TIAM1: variants seen among roughly 807,000 people sequenced by gnomAD.
TIAM1 encodes the protein TIAM Rac1 associated GEF 1.
A neutral mutation model predicts 163.5 loss-of-function variants in TIAM1; 65 were observed. That is an observed-to-expected ratio of 0.40 (90% CI 0.33 to 0.49). The LOEUF (loss-of-function observed/expected upper bound fraction) is 0.49, where lower values mean the gene tolerates loss of function less well. TIAM1 is among the 20% of genes least tolerant of loss of function. The probability of loss-of-function intolerance (pLI) is 0.77; values close to 1 mark genes in which losing one functional copy is unlikely to be tolerated. For synonymous variants in TIAM1, 833 were observed against 810.1 expected (o/e 1.03, Z -0.48); for missense variants, 1,789 against 2,044.7 (o/e 0.87, Z 2.41).
At chr21:31,462,852 C>T (rs2045384201) in intron 2 of TIAM1, among the ~76,000 whole-genome samples, 1 of 151,996 alleles carries the variant, frequency 6.6e-6, no homozygotes, top group African/African-American at 2.4e-5. Flanking sequence ...AAGCCATTCT[C>T]CTGCCTCAGC....
chr21:31,403,997 G>A (rs868164115), intron 2 of TIAM1, among the ~76,000 whole-genome samples: 3 of 152,112 alleles, frequency 2.0e-5, no homozygotes, highest in Non-Finnish European at 2.9e-5. Context: ...ACACTTAGCC[G>A]CAACTCACAC....
chr21:31,224,909 G>T (rs2087850277), intron 7 of TIAM1, among the ~76,000 whole-genome samples: 1 of 152,176 alleles, frequency 6.6e-6, no homozygotes, highest in Non-Finnish European at 1.5e-5. Flanking sequence ...AGGCAAAAAT[G>T]TGCTTTGTTC....
At chr21:31,352,541 G>A in intron 2 of TIAM1, among the ~76,000 whole-genome samples, 1 of 129,968 alleles carries the variant, frequency 7.7e-6, no homozygotes, top group African/African-American at 2.9e-5. Context: ...CATATATGTA[G>A]CTTTAAAAAA....
At chr21:31,150,672 G>A (rs2083331774) in intron 19 of TIAM1, among the ~76,000 whole-genome samples, 1 of 152,048 alleles carries the variant, frequency 6.6e-6, no homozygotes, top group South Asian at 2.1e-4. Flanking sequence ...AAAATCTTTA[G>A]GCAAAGATTT....
intron 16 of TIAM1, among the ~76,000 whole-genome samples, chr21:31,163,402 C>A (rs755252316): frequency 1.3e-5 from 2 of 152,002 alleles, no homozygotes; most frequent in Non-Finnish European, 2.9e-5. Flanking sequence ...TTTAAATTTG[C>A]CTTAAAAGGA....
chr21:31,131,371 C>A (rs149654689), intron 23 of TIAM1, among the ~76,000 whole-genome samples: 1 of 152,224 alleles, frequency 6.6e-6, no homozygotes, highest in Admixed American at 6.5e-5. Context: ...GGTAATAGTG[C>A]ACATAGACAG....
intron 19 of TIAM1, 113 bp from the exon 20 acceptor site, chr21:31,147,116 T>A: frequency 2.5e-6 from 2 of 812,232 alleles, no homozygotes; most frequent in East Asian, 2.7e-5. Flanking sequence ...ATCAACATCT[T>A]CCGTGCCTGT....
chr21:31,381,316 A>T (rs547879471), intron 2 of TIAM1, among the ~76,000 whole-genome samples: 3 of 151,964 alleles, frequency 2.0e-5, no homozygotes, highest in Non-Finnish European at 4.4e-5. Flanking sequence ...TCTTATAAGA[A>T]GAGACACTAC....
intron 4 of TIAM1, among the ~76,000 whole-genome samples, chr21:31,257,909 A>T (rs1183129020): frequency 1.6e-5 from 1 of 63,944 alleles, no homozygotes. Context: ...CCTCCACCCC[A>T]CCCCAGCCAC....
intron 6 of TIAM1, among the ~76,000 whole-genome samples, chr21:31,245,222 A>T (rs1421513901): frequency 6.6e-6 from 1 of 152,162 alleles, no homozygotes; most frequent in Non-Finnish European, 1.5e-5. Flanking sequence ...CATGACAAAC[A>T]GAGCAAGTTT....
intron 4 of TIAM1, among the ~76,000 whole-genome samples, chr21:31,257,524 T>C (rs1052196461): frequency 6.6e-6 from 1 of 151,800 alleles, no homozygotes; most frequent in African/African-American, 2.4e-5. Context: ...CTCCTCACTA[T>C]CCATAATATA....
intron 6 of TIAM1, 92 bp downstream of exon 6, chr21:31,245,396 A>C: frequency 2.4e-6 from 2 of 822,822 alleles, no homozygotes; most frequent in Non-Finnish European, 3.3e-6. Context: ...AAAAAAAAAA[A>C]AGCAGTGGAG....
intron 3 of TIAM1, among the ~76,000 whole-genome samples, chr21:31,272,160 C>A (rs138116775): frequency 0.01 from 1,570 of 152,066 alleles, 14 homozygotes; most frequent in Non-Finnish European, 0.017. Flanking sequence ...TGACACAAAG[C>A]GTATTTTAAG....
chr21:31,258,591 G>A (rs918913178), intron 4 of TIAM1, among the ~76,000 whole-genome samples: 4 of 152,126 alleles, frequency 2.6e-5, no homozygotes, highest in African/African-American at 9.7e-5. Context: ...CAGCACTTTG[G>A]GAGGCCAAGG....
At chr21:31,492,350 G>A (rs2147423998) in intron 1 of TIAM1, among the ~76,000 whole-genome samples, 1 of 152,294 alleles carries the variant, frequency 6.6e-6, no homozygotes, top group East Asian at 1.9e-4. Flanking sequence ...ATCTTCACAG[G>A]TGCAGGAATG....
chr21:31,360,513 T>C (rs1210626409), intron 2 of TIAM1, among the ~76,000 whole-genome samples: 1 of 152,016 alleles, frequency 6.6e-6, no homozygotes, highest in Non-Finnish European at 1.5e-5. Flanking sequence ...TTTAATAGGA[T>C]AGACATTAAA....
intron 16 of TIAM1, among the ~76,000 whole-genome samples, chr21:31,163,557 G>A (rs1259286340): frequency 1.3e-5 from 2 of 152,098 alleles, no homozygotes; most frequent in Non-Finnish European, 2.9e-5. Context: ...AGATCCTACA[G>A]TCAGGAAAGA....
chr21:31,452,400 C>T (rs2284517), intron 2 of TIAM1: 29,268 of 265,972 alleles, frequency 0.11, 3,337 homozygotes, highest in East Asian at 0.54. Context: ...GATCGCACTC[C>T]GGCCTGGGCC....
At position 31,311,172 on chromosome 21, in the gene TIAM1, G is replaced by GTTTTT. The variant is rs34323103; in HGVS notation, c.-189+28066_-189+28070dup. 2.0e-5 allele frequency among the ~76,000 whole-genome samples: 3 copies of GTTTTT among 147,064 alleles called. No homozygotes were observed. The South Asian group carries it at 6.4e-4, about 31-fold the overall frequency. On this transcript the variant is annotated intron_variant, in intron 2 of 27. Transcript: ENST00000541036. ...AATGGTTTTTTTGTTTGTTTGTTTT[G>GTTTTT]TTTTTTTTTTTGTCAAATTTGGAGG...
Sources: allele counts gnomAD v4.1 joint callset (sites outside exome capture counted in the v4.1 genomes callset), GRCh38; gene constraint gnomAD v4.1.1; transcripts MANE v1.5; gene names NCBI Gene and HGNC (gene_info 2026-07-23, HGNC 2026-07-21).